CTNNA2: variants seen among roughly 807,000 people sequenced by gnomAD.
CTNNA2 encodes catenin alpha-2.
In CTNNA2, 42 loss-of-function variants were observed where a neutral mutation model predicts 101.0. The ratio of observed to expected loss-of-function variants is 0.42; its 90% CI spans 0.32 to 0.54. The LOEUF (loss-of-function observed/expected upper bound fraction) is 0.54, where lower values mean the gene tolerates loss of function less well. Among genes scored for constraint, CTNNA2 ranks in the 20% least tolerant of loss-of-function variants. The pLI is 0.14. For missense variants in CTNNA2, 871 were observed against 1,223.1 expected (o/e 0.71, Z 4.29); for synonymous variants, 450 against 456.4 (o/e 0.99, Z 0.18).
chr2:79,553,104 CCAAT>C (rs1674214593), intron 1 of CTNNA2, among the ~76,000 whole-genome samples: 1 of 152,116 alleles, frequency 6.6e-6, no homozygotes, highest in Non-Finnish European at 1.5e-5. Context: ...GTTCCAGTTC[CCAAT>C]CATTTTTTTG....
At chr2:79,201,512 G>A (rs1161160078) in intron 2 of CTNNA2, among the ~76,000 whole-genome samples, 2 of 152,186 alleles carry the variant, frequency 1.3e-5, no homozygotes, top group Non-Finnish European at 2.9e-5. Flanking sequence ...TGTCGTGGAA[G>A]CAGGAAAGCT....
chr2:80,237,381 A>ATGTATT (rs1027566145), intron 7 of CTNNA2, among the ~76,000 whole-genome samples: 49 of 152,174 alleles, frequency 3.2e-4, no homozygotes, highest in African/African-American at 1.1e-3. Flanking sequence ...AGGGTATTAA[A>ATGTATT]TGTATTTTCA....
intron 7 of CTNNA2, among the ~76,000 whole-genome samples, chr2:80,004,046 A>G (rs1016535585): frequency 6.6e-6 from 1 of 152,136 alleles, no homozygotes; most frequent in African/African-American, 2.4e-5. Context: ...TGGACTCTTC[A>G]TAAGTAAGCC....
intron 7 of CTNNA2, among the ~76,000 whole-genome samples, chr2:80,166,387 T>C (rs1470056486): frequency 6.6e-6 from 1 of 152,126 alleles, no homozygotes; most frequent in Non-Finnish European, 1.5e-5. Flanking sequence ...TAATCAACCA[T>C]GCCTAGGCAG....
intron 7 of CTNNA2, among the ~76,000 whole-genome samples, chr2:80,380,741 A>G (rs1174149731): frequency 1.3e-5 from 2 of 152,216 alleles, no homozygotes; most frequent in Non-Finnish European, 2.9e-5. Flanking sequence ...AGATGCCAGC[A>G]TAGGAAGGAA....
intron 7 of CTNNA2, among the ~76,000 whole-genome samples, chr2:80,194,790 T>C (rs1208383646): frequency 6.6e-6 from 1 of 150,674 alleles, no homozygotes; most frequent in African/African-American, 2.4e-5. Flanking sequence ...AATTGATGAA[T>C]CATGCTATAT....
chr2:80,043,077 TTCTTTCTTTCTTTCTTTC>T (rs1301521164), intron 7 of CTNNA2, among the ~76,000 whole-genome samples: 7 of 52,886 alleles, frequency 1.3e-4, no homozygotes, highest in African/African-American at 5.5e-4. Flanking sequence ...CTTTCTTTCT[TTCTTTCTTTCTTTCTTTC>T]TCTCTCTCTC....
intron 3 of CTNNA2, among the ~76,000 whole-genome samples, chr2:79,805,055 A>T (rs1357442016): frequency 3.9e-5 from 6 of 152,126 alleles, no homozygotes; most frequent in Non-Finnish European, 5.9e-5. Flanking sequence ...TATTAATTGA[A>T]CATCAAATGC....
At chr2:80,369,836 G>A (rs1039070506) in intron 7 of CTNNA2, among the ~76,000 whole-genome samples, 7 of 152,060 alleles carry the variant, frequency 4.6e-5, no homozygotes, top group Non-Finnish European at 7.4e-5. Flanking sequence ...CAAGAAAGTG[G>A]GCTGTTTCCA....
intron 7 of CTNNA2, among the ~76,000 whole-genome samples, chr2:80,183,171 G>A (rs1272226635): frequency 6.6e-6 from 1 of 152,046 alleles, no homozygotes; most frequent in Non-Finnish European, 1.5e-5. Context: ...CCATTTATCG[G>A]AAAATACCAA....
chr2:79,312,072 A>T (rs1278733117), intron 2 of CTNNA2, among the ~76,000 whole-genome samples: 1 of 120,826 alleles, frequency 8.3e-6, no homozygotes, highest in Non-Finnish European at 1.9e-5. Flanking sequence ...ATGGCTGTTT[A>T]AAAAAAAAAA....
intron 13 of CTNNA2, among the ~76,000 whole-genome samples, chr2:80,577,533 A>T (rs1695159720): frequency 6.6e-6 from 1 of 152,062 alleles, no homozygotes; most frequent in Non-Finnish European, 1.5e-5. Flanking sequence ...GTGTGATCTG[A>T]CTTAGACCTT....
chr2:79,430,415 A>G (rs1300597892), intron 4 of CTNNA2, among the ~76,000 whole-genome samples: 5 of 152,182 alleles, frequency 3.3e-5, no homozygotes, highest in Admixed American at 2.0e-4. Flanking sequence ...AAAATGTGTT[A>G]TAAATACCTA....
At chr2:79,657,409 A>G (rs1474242445) in intron 2 of CTNNA2, among the ~76,000 whole-genome samples, 1 of 151,934 alleles carries the variant, frequency 6.6e-6, no homozygotes, top group Non-Finnish European at 1.5e-5. Flanking sequence ...AGAAAACTGT[A>G]GTATTCCATT....
At chr2:80,359,863 C>A (rs1674228224) in intron 7 of CTNNA2, among the ~76,000 whole-genome samples, 1 of 152,082 alleles carries the variant, frequency 6.6e-6, no homozygotes, top group African/African-American at 2.4e-5. Context: ...AATCTTGACT[C>A]CTTTTTTCTT....
chr2:79,470,556 C>G (rs1040190770), intron 4 of CTNNA2, among the ~76,000 whole-genome samples: 3 of 152,052 alleles, frequency 2.0e-5, no homozygotes, highest in African/African-American at 7.3e-5. Flanking sequence ...AGGAAATGTC[C>G]ATCTTGAGCC....
chr2:80,231,272 C>T (rs941026694), intron 7 of CTNNA2, among the ~76,000 whole-genome samples: 3 of 152,116 alleles, frequency 2.0e-5, no homozygotes, highest in Non-Finnish European at 4.4e-5. Context: ...CAGGTGTGAG[C>T]CACCACACCC....
At chr2:79,905,599 C>T (rs1159097512) in intron 6 of CTNNA2, among the ~76,000 whole-genome samples, 3 of 152,012 alleles carry the variant, frequency 2.0e-5, no homozygotes, top group African/African-American at 7.2e-5. Flanking sequence ...GAATCTGGCT[C>T]CTGGATGTTG....
chr2:79,270,112 C>A (rs2104297911), intron 2 of CTNNA2, among the ~76,000 whole-genome samples: 1 of 151,264 alleles, frequency 6.6e-6, no homozygotes, highest in East Asian at 2.0e-4. Context: ...CTTCTCATAT[C>A]CTGTTAGGCT....
Sources: allele counts gnomAD v4.1 joint callset (sites outside exome capture counted in the v4.1 genomes callset), GRCh38; gene constraint gnomAD v4.1.1; transcripts MANE v1.5; gene names NCBI Gene and HGNC (gene_info 2026-07-23, HGNC 2026-07-21).